Variants in C10orf67 observed in about 807,000 individuals in gnomAD.
The protein encoded by C10orf67 is chromosome 10 open reading frame 67.
C10orf67 carries 60 observed loss-of-function variants against 35.6 expected under a neutral mutation model. The ratio of observed to expected loss-of-function variants is 1.68; its 90% CI spans 1.37 to 2.09. The LOEUF (loss-of-function observed/expected upper bound fraction) is 2.09, where lower values mean the gene tolerates loss of function less well. Among genes scored for constraint, C10orf67 ranks in the 30% most tolerant of loss-of-function variants. The pLI is 0.00. For missense variants in C10orf67, 474 were observed against 330.2 expected, an observed-to-expected ratio of 1.44 and a Z score of -3.38; for synonymous variants, 167 against 115.8, an observed-to-expected ratio of 1.44 and a Z score of -2.84.
chr10:23,275,722 TC>T (rs1386315659), intron 8 of C10orf67, among the ~76,000 whole-genome samples: 21 of 152,258 alleles, frequency 1.4e-4, no homozygotes, highest in African/African-American at 4.8e-4. Context: ...CCTCTGTGTT[TC>T]CCTTGATGTT....
intron 2 of C10orf67, among the ~76,000 whole-genome samples, chr10:23,324,086 C>T (rs758348528): frequency 8.0e-5 from 12 of 150,286 alleles, no homozygotes; most frequent in Non-Finnish European, 1.3e-4. Context: ...CACCAGCACC[C>T]GAGTGGCTGT....
chr10:23,205,780 T>C (rs957188364), intron 15 of C10orf67, among the ~76,000 whole-genome samples: 5 of 152,186 alleles, frequency 3.3e-5, no homozygotes, highest in African/African-American at 1.2e-4. Context: ...AACATTGCTT[T>C]TTAAAAAATT....
intron 5 of C10orf67, among the ~76,000 whole-genome samples, chr10:23,293,601 A>G (rs1022678872): frequency 2.0e-5 from 3 of 152,220 alleles, no homozygotes; most frequent in Non-Finnish European, 4.4e-5. Flanking sequence ...AACTGGATGT[A>G]GCCGTTTAAA....
intron 5 of C10orf67, among the ~76,000 whole-genome samples, chr10:23,293,047 A>G (rs900172021): frequency 6.6e-6 from 1 of 152,276 alleles, no homozygotes; most frequent in East Asian, 1.9e-4. Context: ...ACTGGCCTTA[A>G]TAGGCTTAAG....
In C10orf67 at chr10:23,297,142, A is replaced by G. The variant is rs118142071; in HGVS notation, c.703-5863T>C. 3.2e-3 allele frequency among the ~76,000 whole-genome samples: 482 copies of G among 151,730 alleles called. 14 individuals are homozygous for G. The East Asian group carries it at 0.049, about 16-fold the overall frequency. On this transcript the variant is annotated intron_variant, in intron 5 of 15. Coordinates refer to ENST00000636213, the MANE Select transcript of C10orf67 (RefSeq NM_001371909.1). The stretch of plus-strand genomic sequence containing the variant: ...CCTGGAGGGGATTACCCCATACTAG[A>G]GGTCCCCTTCTATAAGCATTTCTAA...
At chr10:23,342,351 A>C (rs1304142473) in intron 1 of C10orf67, among the ~76,000 whole-genome samples, 2 of 151,940 alleles carry the variant, frequency 1.3e-5, no homozygotes, top group South Asian at 2.1e-4. Flanking sequence ...CTAGTTCATC[A>C]TCAATTCCTG....
intron 1 of C10orf67, among the ~76,000 whole-genome samples, chr10:23,335,491 ACCTT>A (rs1845645885): frequency 6.6e-6 from 1 of 152,298 alleles, no homozygotes; most frequent in Admixed American, 6.5e-5. Flanking sequence ...TTTTGAATGA[ACCTT>A]CATACAACAG....
At chr10:23,281,460 G>T (rs1843362770) in intron 8 of C10orf67, among the ~76,000 whole-genome samples, 1 of 152,126 alleles carries the variant, frequency 6.6e-6, no homozygotes. Flanking sequence ...ACATACTAGT[G>T]GTAATCAGCT....
intron 4 of C10orf67, among the ~76,000 whole-genome samples, chr10:23,308,991 T>C (rs1844393088): frequency 6.6e-6 from 1 of 152,082 alleles, no homozygotes; most frequent in South Asian, 2.1e-4. Context: ...ACACTCTTCT[T>C]GGGGTCACTT....
chr10:23,313,350 C>T (rs777543381), intron 4 of C10orf67, among the ~76,000 whole-genome samples: 5 of 152,132 alleles, frequency 3.3e-5, no homozygotes, highest in Admixed American at 6.5e-5. Context: ...TTAAAGACCT[C>T]GACATTATGG....
chr10:23,342,302 T>C (rs1413088414), intron 1 of C10orf67, among the ~76,000 whole-genome samples: 4 of 152,126 alleles, frequency 2.6e-5, no homozygotes, highest in African/African-American at 9.7e-5. Flanking sequence ...TCCTTATCAC[T>C]AACCACTATC....
chr10:23,236,231 A>G (rs894372711), intron 13 of C10orf67, among the ~76,000 whole-genome samples: 8 of 139,218 alleles, frequency 5.7e-5, no homozygotes, highest in African/African-American at 2.3e-4. Context: ...CCTGGGCGAC[A>G]GAGCGAGACT....
intron 4 of C10orf67, among the ~76,000 whole-genome samples, chr10:23,319,870 C>T (rs1475624536): frequency 2.0e-5 from 3 of 152,154 alleles, no homozygotes; most frequent in Non-Finnish European, 2.9e-5. Flanking sequence ...AAGAATCTAG[C>T]ACTTTGGCTT....
rs1346097601 is a variant in C10orf67 at position 23,204,045 on chromosome 10, G to A, written c.*128C>T. The A allele has an allele frequency of 4.7e-6, 2 of 423,022 alleles. No homozygotes were observed. Among genetic ancestry groups the A allele is most frequent in the Non-Finnish European group, 8.5e-6 (2 of 234,208 alleles). The allele number at this position is 423,022 out of a possible 1,614,324, so 26.2% of individuals were successfully genotyped here. A position where few individuals can be genotyped will look rare whatever the true frequency, so the allele number is the denominator to read the frequency against. On this transcript the variant is annotated 3_prime_UTR_variant, in exon 16 of 16. Transcript: ENST00000636213. ...CAGTGCTGGTTAATATACATAATCT[G>A]GAGAGATTAAACAATTAGTTTAGAA...
chr10:23,273,547 C>T (rs957505723), intron 8 of C10orf67, among the ~76,000 whole-genome samples: 8 of 152,166 alleles, frequency 5.3e-5, no homozygotes, highest in African/African-American at 1.7e-4. Flanking sequence ...ATCTCATTAT[C>T]TAAATCAGGT....
chr10:23,266,561 G>T lies in C10orf67; in HGVS notation c.1036-135C>A, dbSNP rs534008669. 1.8e-4 allele frequency: 71 copies of T among 395,912 alleles called. 1 individual carries two copies. The South Asian group carries it at 5.7e-3, about 32-fold the overall frequency. The allele number at this position is 395,912 out of a possible 1,614,324, so 24.5% of individuals were successfully genotyped here. ...TTTCAGTCCTAGAGCGCATGGATTT[G>T]TTCTTGCTCCCAGGCCCACAATCTC... On this transcript the variant is annotated intron_variant, in intron 9 of 15. Coordinates refer to ENST00000636213, the MANE Select transcript of C10orf67 (RefSeq NM_001371909.1).
At chr10:23,298,834 G>A (rs566356740) in intron 5 of C10orf67, among the ~76,000 whole-genome samples, 4 of 152,304 alleles carry the variant, frequency 2.6e-5, no homozygotes, top group Admixed American at 1.3e-4. Flanking sequence ...CTGAATGGGC[G>A]GCTAAAAGTA....
At chr10:23,322,955 G>C (rs548637123) in intron 2 of C10orf67, among the ~76,000 whole-genome samples, 1 of 152,170 alleles carries the variant, frequency 6.6e-6, no homozygotes, top group African/African-American at 2.4e-5. Context: ...ATATAAGCTG[G>C]GTTCCTGGTC....
intron 2 of C10orf67, among the ~76,000 whole-genome samples, chr10:23,326,488 C>T (rs116242091): frequency 6.6e-6 from 1 of 152,106 alleles, no homozygotes; most frequent in African/African-American, 2.4e-5. Flanking sequence ...AGGAGAATAG[C>T]TAAATAAAGT....
Sources: allele counts gnomAD v4.1 joint callset (sites outside exome capture counted in the v4.1 genomes callset), GRCh38; gene constraint gnomAD v4.1.1; transcripts MANE v1.5; gene names NCBI Gene and HGNC (gene_info 2026-07-23, HGNC 2026-07-21).